The following CDH13 variants were observed in gnomAD, a reference collection of about 807,000 sequenced individuals.
The protein encoded by CDH13 is cadherin-13.
CDH13 carries 24 observed loss-of-function variants against 63.8 expected under a neutral mutation model. The ratio of observed to expected loss-of-function variants is 0.38; its 90% confidence interval spans 0.27 to 0.53. The LOEUF (loss-of-function observed/expected upper bound fraction) is 0.53, where lower values mean the gene tolerates loss of function less well. Among genes scored for constraint, CDH13 ranks in the 20% least tolerant of loss-of-function variants. CDH13 has a pLI of 0.85. For missense variants in CDH13, 1,049 were observed against 903.1 expected (o/e 1.16, Z -2.07); for synonymous variants, 503 against 355.3 (o/e 1.42, Z -4.67).
intron 6 of CDH13, among the ~76,000 whole-genome samples, chr16:83,366,337 A>G (rs1359721543): frequency 6.6e-6 from 1 of 152,358 alleles, no homozygotes; most frequent in African/African-American, 2.4e-5. Flanking sequence ...TCCCAGAATT[A>G]TGAATACTTT....
intron 2 of CDH13, among the ~76,000 whole-genome samples, chr16:82,894,906 G>C (rs577369793): frequency 1.6e-4 from 24 of 152,266 alleles, no homozygotes; most frequent in Non-Finnish European, 2.8e-4. Context: ...AGGAAGGCCA[G>C]GCTAGGGAGT....
At chr16:83,624,234 C>T (rs1910067466) in intron 8 of CDH13, among the ~76,000 whole-genome samples, 1 of 152,160 alleles carries the variant, frequency 6.6e-6, no homozygotes, top group Admixed American at 6.5e-5. Flanking sequence ...CCCACATCCT[C>T]TCTCCCAGAT....
At chr16:83,287,387 GGCAA>G (rs764233046) in intron 5 of CDH13, among the ~76,000 whole-genome samples, 4 of 152,194 alleles carry the variant, frequency 2.6e-5, no homozygotes, top group Admixed American at 6.5e-5. Context: ...GTAAGTAGCA[GGCAA>G]GCAAGCAAGC....
intron 2 of CDH13, among the ~76,000 whole-genome samples, chr16:82,932,315 T>G (rs1406648947): frequency 1.3e-5 from 2 of 152,222 alleles, no homozygotes; most frequent in Non-Finnish European, 2.9e-5. Context: ...TTTGTTTGTT[T>G]GCTTTGAAAT....
chr16:83,675,432 A>G (rs935055856), intron 9 of CDH13, among the ~76,000 whole-genome samples: 1 of 152,110 alleles, frequency 6.6e-6, no homozygotes, highest in Non-Finnish European at 1.5e-5. Flanking sequence ...GGCTTCCTGC[A>G]TGGCATAGTT....
chr16:83,650,608 T>A (rs930913260), intron 8 of CDH13, among the ~76,000 whole-genome samples: 2 of 152,146 alleles, frequency 1.3e-5, no homozygotes, highest in African/African-American at 4.8e-5. Flanking sequence ...TTGTCACAGC[T>A]TGGATGGTGC....
chr16:83,334,810 A>T (rs1042233253), intron 5 of CDH13, among the ~76,000 whole-genome samples: 2 of 152,174 alleles, frequency 1.3e-5, no homozygotes, highest in Non-Finnish European at 2.9e-5. Context: ...TGTTTAAGGC[A>T]CTAAATTTTA....
At chr16:83,588,132 A>C (rs1332636087) in intron 7 of CDH13, among the ~76,000 whole-genome samples, 1 of 152,186 alleles carries the variant, frequency 6.6e-6, no homozygotes, top group Non-Finnish European at 1.5e-5. Context: ...CCAGCCCATC[A>C]GCTCCAAAGC....
At chr16:83,213,808 G>A (rs1312165557) in intron 4 of CDH13, among the ~76,000 whole-genome samples, 2 of 152,132 alleles carry the variant, frequency 1.3e-5, no homozygotes, top group Admixed American at 1.3e-4. Context: ...TCTTAGAAGA[G>A]GATGGTAAAA....
chr16:83,120,677 T>C lies in CDH13; in HGVS notation c.367-4708T>C, dbSNP rs372030735. On this transcript the variant is annotated intron_variant, in intron 3 of 13. Transcript: ENST00000567109. ...ACAAATATATTTTACGTATTTCCTA[T>C]TTTTGCCACCCTTAACAAACCAACA... Among the ~76,000 whole-genome samples, 10 of 152,238 alleles carry C rather than the reference T, an allele frequency of 6.6e-5. No homozygotes were observed. In the East Asian group the frequency reaches 1.9e-3, roughly 29 times the overall value.
At chr16:82,772,132 G>A (rs950868239) in intron 1 of CDH13, among the ~76,000 whole-genome samples, 1 of 152,138 alleles carries the variant, frequency 6.6e-6, no homozygotes, top group African/African-American at 2.4e-5. Flanking sequence ...TAAATTGTTA[G>A]GAATTTTGCA....
chr16:83,788,481 TAA>T (rs35247333), intron 13 of CDH13, among the ~76,000 whole-genome samples: 8 of 149,660 alleles, frequency 5.3e-5, no homozygotes, highest in Non-Finnish European at 1.0e-4. Flanking sequence ...TTTTTTAGAT[TAA>T]AAAAAAAAGA....
At chr16:82,764,949 A>C (rs1364761397) in intron 1 of CDH13, among the ~76,000 whole-genome samples, 2 of 151,730 alleles carry the variant, frequency 1.3e-5, no homozygotes, top group African/African-American at 2.4e-5. Flanking sequence ...CGAGTAGCTG[A>C]AACTACAGAC....
chr16:82,652,136 A>G (rs995635262), intron 1 of CDH13, among the ~76,000 whole-genome samples: 1 of 152,252 alleles, frequency 6.6e-6, no homozygotes, highest in Admixed American at 6.5e-5. Context: ...ATCCGAGGCA[A>G]GATTTAGGTT....
Position 83,795,182 on chromosome 16 carries a change from T to G in CDH13, c.*152T>G. Reference sequence around the variant, plus strand: ...TTTTTTATTTTCTTTACAATTTCACTTAGTCTGTACTTCATCATTTTGACA... The same window carrying G: ...TTTTTTATTTTCTTTACAATTTCACGTAGTCTGTACTTCATCATTTTGACA... On this transcript the variant is annotated 3_prime_UTR_variant, in exon 14 of 14. Transcript: ENST00000567109. The G allele has an allele frequency of 1.6e-6, 1 of 632,628 alleles. No individual in the cohort carries two copies. The highest frequency in any genetic ancestry group is 2.7e-6 in the Non-Finnish European group (1 of 365,364). 39.2% of individuals were successfully genotyped at this position (632,628 alleles called of 1,614,324 possible). A position where few individuals can be genotyped will look rare whatever the true frequency, so the allele number is the denominator to read the frequency against.
At chr16:82,982,709 G>T (rs368503480) in intron 2 of CDH13, among the ~76,000 whole-genome samples, 13 of 152,282 alleles carry the variant, frequency 8.5e-5, no homozygotes, top group African/African-American at 3.1e-4. Flanking sequence ...TCGTCTCCCT[G>T]TGGCTGCACT....
chr16:83,599,510 C>CA (rs147241335), intron 7 of CDH13, among the ~76,000 whole-genome samples: 4 of 152,134 alleles, frequency 2.6e-5, no homozygotes, highest in East Asian at 1.9e-4. Flanking sequence ...AAAAACAAAC[C>CA]AAAAAAATTT....
At chr16:83,787,531 T>C (rs1915965941) in intron 13 of CDH13, among the ~76,000 whole-genome samples, 2 of 152,336 alleles carry the variant, frequency 1.3e-5, no homozygotes, top group South Asian at 4.1e-4. Context: ...TCATTTACTA[T>C]GACCAACGCT....
At chr16:83,607,264 A>G (rs1040815212) in intron 8 of CDH13, among the ~76,000 whole-genome samples, 10 of 152,046 alleles carry the variant, frequency 6.6e-5, no homozygotes, top group African/African-American at 2.4e-4. Context: ...CTAAAAATAC[A>G]GAAAGATTAG....
Sources: gnomAD v4.1 joint callset for allele counts (sites outside exome capture counted in the v4.1 genomes callset) on GRCh38, gnomAD v4.1.1 for gene constraint, MANE v1.5 for transcripts, NCBI Gene and HGNC (gene_info 2026-07-23, HGNC 2026-07-21) for gene names.